Variants in FRMD4B observed in about 807,000 individuals in gnomAD.
FRMD4B encodes the protein FERM domain containing 4B.
FRMD4B carries 74 observed loss-of-function variants against 141.5 expected under a neutral mutation model. The ratio of observed to expected loss-of-function variants is 0.52; its 90% confidence interval spans 0.43 to 0.63. The LOEUF is 0.63. FRMD4B is among the 30% of genes least tolerant of loss of function. The pLI, the probability that FRMD4B is intolerant of heterozygous loss-of-function variation, is 0.00. For synonymous variants in FRMD4B, 506 were observed against 467.9 expected (o/e 1.08, Z -1.05); for missense variants, 1,366 against 1,253.4 (o/e 1.09, Z -1.36).
At position 69,172,324 on chromosome 3, in the gene FRMD4B, G is replaced by A. The variant is rs78710043; in HGVS notation, c.2985-343C>T. On this transcript the variant is annotated intron_variant, in intron 22 of 22. Coordinates refer to ENST00000398540, the MANE Select transcript of FRMD4B (RefSeq NM_015123.3). ...TAACTTGTCTAGTAAAAAAGATTAT[G>A]GTTACAGTTTTATTGAACTATAGGA... 4.0e-4 allele frequency among the ~76,000 whole-genome samples: 61 copies of A among 152,160 alleles called. No individual in the cohort carries two copies. The East Asian group carries it at 0.011, about 28-fold the overall frequency.
At chr3:69,236,742 T>A (rs1443255495) in intron 7 of FRMD4B, among the ~76,000 whole-genome samples, 1 of 152,124 alleles carries the variant, frequency 6.6e-6, no homozygotes, top group Admixed American at 6.5e-5. Flanking sequence ...CCTGGATGAG[T>A]TATCTCTGTT....
At chr3:69,205,018 A>C (rs1224557866) in intron 11 of FRMD4B, among the ~76,000 whole-genome samples, 1 of 142,648 alleles carries the variant, frequency 7.0e-6, no homozygotes, top group Non-Finnish European at 1.5e-5. Flanking sequence ...TGCCTTTCTT[A>C]TCTGGGAAGA....
intron 7 of FRMD4B, among the ~76,000 whole-genome samples, chr3:69,245,415 A>G (rs1297952180): frequency 1.3e-5 from 2 of 151,164 alleles, no homozygotes; most frequent in African/African-American, 4.9e-5. Flanking sequence ...TCTCTAGCTC[A>G]GTGCAAACCT....
intron 1 of FRMD4B, among the ~76,000 whole-genome samples, chr3:69,314,379 A>G (rs1038834804): frequency 6.8e-6 from 1 of 148,048 alleles, no homozygotes; most frequent in African/African-American, 2.5e-5. Context: ...ACTACAAAAA[A>G]TAGCCAGGCA....
chr3:69,292,121 C>T (rs1343516327), intron 4 of FRMD4B, among the ~76,000 whole-genome samples: 2 of 152,060 alleles, frequency 1.3e-5, no homozygotes, highest in African/African-American at 4.8e-5. Flanking sequence ...TGATATAATG[C>T]TTTCCTACAA....
At chr3:69,444,543 G>A (rs374270160) in intron 1 of FRMD4B, among the ~76,000 whole-genome samples, 68 of 152,166 alleles carry the variant, frequency 4.5e-4, no homozygotes, top group African/African-American at 1.4e-3. Context: ...CATTTTATGA[G>A]ACTTCAACAT....
intron 1 of FRMD4B, among the ~76,000 whole-genome samples, chr3:69,449,323 G>A (rs891303606): frequency 3.9e-5 from 6 of 152,310 alleles, no homozygotes; most frequent in South Asian, 2.1e-4. Flanking sequence ...TGATGACAAC[G>A]AAGATTGTGT....
chr3:69,202,658 A>G (rs1344560239), intron 11 of FRMD4B, among the ~76,000 whole-genome samples: 1 of 152,182 alleles, frequency 6.6e-6, no homozygotes, highest in Non-Finnish European at 1.5e-5. Context: ...TTGTTTTTAG[A>G]CAAAATCTAT....
chr3:69,497,597 A>C (rs73102110), intron 1 of FRMD4B, among the ~76,000 whole-genome samples: 3,485 of 152,260 alleles, frequency 0.023, 65 homozygotes, highest in Admixed American at 0.031. Flanking sequence ...AATAATAATA[A>C]TGTCTTCCCC....
chr3:69,403,024 G>T (rs972262897), intron 2 of FRMD4B, among the ~76,000 whole-genome samples: 3 of 152,174 alleles, frequency 2.0e-5, no homozygotes, highest in Non-Finnish European at 4.4e-5. Flanking sequence ...GAACATCCAG[G>T]AGGATATGCC....
chr3:69,372,352 G>A (rs554082930), intron 1 of FRMD4B, among the ~76,000 whole-genome samples: 1 of 152,260 alleles, frequency 6.6e-6, no homozygotes, highest in African/African-American at 2.4e-5. Context: ...AATAAATATT[G>A]CTCAATAAAA....
intron 1 of FRMD4B, among the ~76,000 whole-genome samples, chr3:69,341,723 C>G (rs1270413677): frequency 6.6e-6 from 1 of 152,172 alleles, no homozygotes; most frequent in East Asian, 1.9e-4. Flanking sequence ...ACCTTGAAGC[C>G]TGCTCTGTCT....
rs1705793330 is a variant in FRMD4B at position 69,466,695 on chromosome 3, CCTTTT to C, written c.-128-33939_-128-33935del. Among the ~76,000 whole-genome samples, 5 of 151,890 alleles carry C rather than the reference CCTTTT, an allele frequency of 3.3e-5. 1 individual carries two copies. In the South Asian group the frequency reaches 8.3e-4, roughly 25 times the overall value. ...AAAACCAACAAACAGAAAAGCAAAA[CCTTTT>C]CTTTTCTTTTATTTTTGAGACAGGA... is the stretch of plus-strand genomic sequence containing the variant. On this transcript the variant is annotated intron_variant, in intron 1 of 5. Coordinates refer to the FRMD4B transcript ENST00000459638.
At chr3:69,201,617 C>T (rs1416820777) in intron 11 of FRMD4B, among the ~76,000 whole-genome samples, 1 of 152,112 alleles carries the variant, frequency 6.6e-6, no homozygotes, top group Non-Finnish European at 1.5e-5. Context: ...GGTACTTTAT[C>T]TAGCTGGCAG....
intron 1 of FRMD4B, among the ~76,000 whole-genome samples, chr3:69,360,672 T>A (rs1703447375): frequency 6.6e-6 from 1 of 152,210 alleles, no homozygotes; most frequent in Admixed American, 6.5e-5. Flanking sequence ...TTTTGCTGAT[T>A]GCATTCCCTT....
chr3:69,216,435 T>C, intron 10 of FRMD4B, 86 bp from the exon 11 acceptor site: 1 of 645,140 alleles, frequency 1.6e-6, no homozygotes, highest in Non-Finnish European at 2.7e-6. Flanking sequence ...ACCTCTTTTT[T>C]TTTTTTTTTT....
At chr3:69,334,591 C>G (rs916493204) in intron 1 of FRMD4B, 3 of 152,112 alleles carry the variant, frequency 2.0e-5, no homozygotes, top group African/African-American at 7.2e-5. Context: ...AGGTTGAGCA[C>G]TGTCATCTAT....
chr3:69,277,683 C>T (rs1008193626), intron 5 of FRMD4B, among the ~76,000 whole-genome samples: 4 of 151,728 alleles, frequency 2.6e-5, no homozygotes, highest in African/African-American at 9.7e-5. Context: ...AGGCACGCAC[C>T]ACCACGCCCA....
At chr3:69,238,856 T>C (rs1220333873) in intron 7 of FRMD4B, among the ~76,000 whole-genome samples, 1 of 152,154 alleles carries the variant, frequency 6.6e-6, no homozygotes, top group Non-Finnish European at 1.5e-5. Context: ...TACCAAACAC[T>C]TTATTCCTAC....
Sources: gnomAD v4.1 joint callset for allele counts (sites outside exome capture counted in the v4.1 genomes callset) on GRCh38, gnomAD v4.1.1 for gene constraint, MANE v1.5 for transcripts, NCBI Gene and HGNC (gene_info 2026-07-23, HGNC 2026-07-21) for gene names.